The following STRN variants were observed in gnomAD, a reference collection of about 807,000 sequenced individuals.
STRN encodes striatin, also known as protein phosphatase 2 regulatory subunit B'''alpha.
A neutral mutation model predicts 96.3 loss-of-function variants in STRN; 53 were observed. The ratio of observed to expected loss-of-function variants is 0.55; its 90% CI spans 0.44 to 0.69. The LOEUF (loss-of-function observed/expected upper bound fraction) is 0.69, where lower values mean the gene tolerates loss of function less well. Among genes scored for constraint, STRN ranks in the 30% least tolerant of loss-of-function variants. The pLI is 0.00. For synonymous variants in STRN, 428 were observed against 355.9 expected (o/e 1.20, Z -2.28); for missense variants, 987 against 963.9 (o/e 1.02, Z -0.32).
intron 10 of STRN, among the ~76,000 whole-genome samples, chr2:36,870,271 T>C (rs1668729514): frequency 6.8e-6 from 1 of 146,826 alleles, no homozygotes; most frequent in African/African-American, 2.5e-5. Flanking sequence ...GTTCTTTCCC[T>C]CCATGGTAAC....
At chr2:36,957,462 C>A (rs1664916889) in intron 1 of STRN, among the ~76,000 whole-genome samples, 1 of 152,054 alleles carries the variant, frequency 6.6e-6, no homozygotes, top group Non-Finnish European at 1.5e-5. Context: ...GTGGTGCACA[C>A]CTATAGTCCC....
chr2:36,888,455 G>A (rs1161196374), intron 7 of STRN, among the ~76,000 whole-genome samples: 1 of 152,026 alleles, frequency 6.6e-6, no homozygotes, highest in East Asian at 1.9e-4. Context: ...AGCCACTCTG[G>A]CTCCCTTAAA....
intron 9 of STRN, among the ~76,000 whole-genome samples, chr2:36,880,454 A>C (rs1371204046): frequency 6.6e-6 from 1 of 152,238 alleles, no homozygotes; most frequent in Admixed American, 6.5e-5. Context: ...AAAAATTTAA[A>C]AATAGTTACT....
At chr2:36,850,156 C>A (rs1668183997) in intron 16 of STRN, among the ~76,000 whole-genome samples, 1 of 152,092 alleles carries the variant, frequency 6.6e-6, no homozygotes. Context: ...TGTGGAAACA[C>A]AGAATTCAAA....
rs560517735 is a variant in STRN, at chr2:36,887,703, T to A, written c.932-877A>T. Reference sequence around the variant, plus strand: ...ACATAGCATTTGAAAAATTTATTAATCAACCTTCATTTAAAATTTACAACT... The same window carrying A: ...ACATAGCATTTGAAAAATTTATTAAACAACCTTCATTTAAAATTTACAACT... On this transcript the variant is annotated intron_variant, in intron 7 of 17. Transcript: ENST00000263918. Among the ~76,000 whole-genome samples, 360 of 152,300 alleles carry A rather than the reference T, an allele frequency of 2.4e-3. 1 individual carries two copies. Among genetic ancestry groups the A allele is most frequent in the Admixed American group, 3.9e-3 (60 of 15,294 alleles).
intron 7 of STRN, among the ~76,000 whole-genome samples, chr2:36,892,705 A>G (rs182438445): frequency 6.6e-6 from 1 of 152,318 alleles, no homozygotes. Context: ...GGAAGAACAT[A>G]ATATAAAACC....
chr2:36,951,462 G>C (rs1373696956), intron 1 of STRN, among the ~76,000 whole-genome samples: 1 of 152,170 alleles, frequency 6.6e-6, no homozygotes, highest in Non-Finnish European at 1.5e-5. Flanking sequence ...AGCAGCAAAA[G>C]GGACAGATAC....
intron 3 of STRN, among the ~76,000 whole-genome samples, chr2:36,915,845 A>C (rs1323828159): frequency 6.6e-6 from 1 of 152,106 alleles, no homozygotes; most frequent in Non-Finnish European, 1.5e-5. Context: ...CCTTCCAGTA[A>C]GTGTAGAACA....
intron 2 of STRN, among the ~76,000 whole-genome samples, chr2:36,921,829 A>G (rs1443061296): frequency 2.0e-5 from 3 of 152,196 alleles, no homozygotes; most frequent in Non-Finnish European, 2.9e-5. Flanking sequence ...ATCTTTCTAA[A>G]ATGTATTTCA....
At chr2:36,913,061 C>T (rs1284278488) in intron 3 of STRN, among the ~76,000 whole-genome samples, 1 of 152,130 alleles carries the variant, frequency 6.6e-6, no homozygotes, top group East Asian at 1.9e-4. Flanking sequence ...CCTGAACACA[C>T]CCTTGTCAAG....
At chr2:36,928,662 A>T (rs1670484829) in intron 1 of STRN, among the ~76,000 whole-genome samples, 3 of 145,856 alleles carry the variant, frequency 2.1e-5, no homozygotes, top group Admixed American at 6.9e-5. Context: ...AAAAAAAAAA[A>T]GGCAGGGCGC....
In STRN at chr2:36,846,680, G is replaced by GT. The variant is rs1668086669; in HGVS notation, c.*2775dup. 2.0e-5 allele frequency: 3 copies of GT among 151,588 alleles called. No individual in the cohort carries two copies. In the South Asian group the frequency reaches 6.2e-4, roughly 32 times the overall value. 9.4% of individuals were successfully genotyped at this position (151,588 alleles called of 1,614,324 possible). A position where few individuals can be genotyped will look rare whatever the true frequency, so the allele number is the denominator to read the frequency against. On this transcript the variant is annotated 3_prime_UTR_variant, in exon 18 of 18. Coordinates refer to ENST00000263918, the MANE Select transcript of STRN (RefSeq NM_003162.4). ...AAAGCGAAATATTTTGCATAACTAA[G>GT]TATTTGTTTAATGGCAAAAGTTGTT...
At chr2:36,916,030 G>C (rs1206370746) in intron 3 of STRN, 48 bp downstream of exon 3, 4 of 1,479,628 alleles carry the variant, frequency 2.7e-6, no homozygotes, top group Non-Finnish European at 2.8e-6. Flanking sequence ...GAAAATACTA[G>C]ACATTAACTT....
At chr2:36,922,302 T>G (rs900908406) in intron 2 of STRN, among the ~76,000 whole-genome samples, 23 of 152,038 alleles carry the variant, frequency 1.5e-4, no homozygotes, top group African/African-American at 5.1e-4. Flanking sequence ...GAGGACTGCT[T>G]GAGCCCAGGA....
At chr2:36,951,838 G>C (rs1418656635) in intron 1 of STRN, among the ~76,000 whole-genome samples, 3 of 152,212 alleles carry the variant, frequency 2.0e-5, no homozygotes, top group Non-Finnish European at 1.5e-5. Flanking sequence ...TGGCCTGTTA[G>C]GAACTGGGTG....
At chr2:36,904,838 C>CTGAATGAATGAA (rs150507744) in intron 4 of STRN, among the ~76,000 whole-genome samples, 1 of 151,796 alleles carries the variant, frequency 6.6e-6, no homozygotes, top group African/African-American at 2.4e-5. Context: ...AAATGAATGA[C>CTGAATGAATGAA]TGAATGAATG....
At chr2:36,902,787 G>GATTCCAGTATGACT in intron 4 of STRN, 36 bp from the exon 5 acceptor site, 1 of 1,515,864 alleles carries the variant, frequency 6.6e-7, no homozygotes, top group Non-Finnish European at 8.9e-7. Flanking sequence ...CAGTCATACT[G>GATTCCAGTATGACT]GAATCAGTAT....
At chr2:36,891,345 G>A (rs943848364) in intron 7 of STRN, among the ~76,000 whole-genome samples, 1 of 152,138 alleles carries the variant, frequency 6.6e-6, no homozygotes, top group Non-Finnish European at 1.5e-5. Flanking sequence ...TGACCAACAT[G>A]GTGAAACCCT....
intron 1 of STRN, among the ~76,000 whole-genome samples, chr2:36,940,929 G>A (rs565280198): frequency 6.6e-6 from 1 of 152,102 alleles, no homozygotes; most frequent in Non-Finnish European, 1.5e-5. Flanking sequence ...AAGGCAGGTG[G>A]ATTACTGAAG....
Sources: gnomAD v4.1 joint callset for allele counts (sites outside exome capture counted in the v4.1 genomes callset) on GRCh38, gnomAD v4.1.1 for gene constraint, MANE v1.5 for transcripts, NCBI Gene and HGNC (gene_info 2026-07-23, HGNC 2026-07-21) for gene names.